Variants in FTO observed in about 807,000 individuals in gnomAD.
FTO encodes FTO alpha-ketoglutarate dependent dioxygenase.
A neutral mutation model predicts 63.9 loss-of-function variants in FTO; 47 were observed. The ratio of observed to expected loss-of-function variants is 0.74; its 90% CI spans 0.58 to 0.94. The LOEUF (loss-of-function observed/expected upper bound fraction) is 0.94. Ranked by LOEUF, FTO falls within the 40% of genes least tolerant of loss-of-function variation. The pLI is 0.00. For missense variants in FTO, 562 were observed against 618.1 expected (o/e 0.91, Z 0.96); for synonymous variants, 207 against 224.4 (o/e 0.92, Z 0.69).
intron 5 of FTO, among the ~76,000 whole-genome samples, chr16:53,874,385 C>T (rs2080587872): frequency 6.6e-6 from 1 of 152,098 alleles, no homozygotes; most frequent in African/African-American, 2.4e-5. Context: ...TAAATTCTGC[C>T]ACCACTTGCA....
chr16:53,891,849 C>T lies in FTO; in HGVS notation c.1239+2898C>T, dbSNP rs187632580. On this transcript the variant is annotated intron_variant, in intron 7 of 8. Coordinates refer to ENST00000471389, the MANE Select transcript of FTO (RefSeq NM_001080432.3). The stretch of plus-strand genomic sequence containing the variant: ...TTTTGTCGCTCTTGTATAAAAAATA[C>T]TAAAAGGAAAAGCAATTCTGCGAAC... 2.8e-3 allele frequency among the ~76,000 whole-genome samples: 431 copies of T among 152,198 alleles called. 3 individuals are homozygous for T. The highest frequency in any genetic ancestry group is 0.01 in the African/African-American group (421 of 41,532).
chr16:53,905,311 G>A (rs1361596838), intron 7 of FTO, among the ~76,000 whole-genome samples: 1 of 152,140 alleles, frequency 6.6e-6, no homozygotes, highest in African/African-American at 2.4e-5. Context: ...ATTTTGTTGT[G>A]TATGACAGTG....
intron 8 of FTO, among the ~76,000 whole-genome samples, chr16:54,091,923 G>C (rs2086393117): frequency 6.6e-6 from 1 of 152,216 alleles, no homozygotes; most frequent in South Asian, 2.1e-4. Context: ...CACTTACAGT[G>C]CCATCTGGCA....
chr16:53,705,329 G>A (rs1237622955), intron 1 of FTO, among the ~76,000 whole-genome samples: 1 of 152,134 alleles, frequency 6.6e-6, no homozygotes, highest in Non-Finnish European at 1.5e-5. Flanking sequence ...GATCCTGCAT[G>A]ATCTGGACCC....
At chr16:54,021,281 G>A (rs946611265) in intron 8 of FTO, among the ~76,000 whole-genome samples, 4 of 152,126 alleles carry the variant, frequency 2.6e-5, no homozygotes, top group African/African-American at 9.7e-5. Flanking sequence ...GTTTCTTCAT[G>A]CAACATAATT....
chr16:53,889,795 A>G (rs1196787397), intron 7 of FTO, among the ~76,000 whole-genome samples: 4 of 152,120 alleles, frequency 2.6e-5, no homozygotes, highest in Non-Finnish European at 5.9e-5. Flanking sequence ...TTGAAGCCAC[A>G]TGGAGGTCTT....
At chr16:54,048,770 G>A (rs1216380714) in intron 8 of FTO, among the ~76,000 whole-genome samples, 5 of 152,132 alleles carry the variant, frequency 3.3e-5, no homozygotes. Context: ...GCACATTCAA[G>A]CCTCCGAGTT....
intron 1 of FTO, among the ~76,000 whole-genome samples, chr16:53,752,920 CT>C (rs749666605): frequency 3.2e-3 from 441 of 137,894 alleles, no homozygotes; most frequent in Non-Finnish European, 4.1e-3. Flanking sequence ...ATATGACTGC[CT>C]TTTTTTTTTT....
At chr16:53,718,460 T>C (rs954946701) in intron 1 of FTO, among the ~76,000 whole-genome samples, 6 of 152,136 alleles carry the variant, frequency 3.9e-5, no homozygotes, top group Non-Finnish European at 5.9e-5. Context: ...AATCTACTTA[T>C]CTGCAAATAT....
chr16:53,989,564 T>C (rs2083753592), intron 8 of FTO, among the ~76,000 whole-genome samples: 1 of 152,172 alleles, frequency 6.6e-6, no homozygotes, highest in African/African-American at 2.4e-5. Flanking sequence ...TATATTCAGA[T>C]GGTCCTGGGT....
At chr16:53,967,825 A>G (rs1364818186) in intron 8 of FTO, among the ~76,000 whole-genome samples, 1 of 152,170 alleles carries the variant, frequency 6.6e-6, no homozygotes, top group East Asian at 1.9e-4. Context: ...GAATAATTGG[A>G]TTAATTTAGA....
chr16:53,746,652 A>G (rs1237576742), intron 1 of FTO, among the ~76,000 whole-genome samples: 1 of 152,224 alleles, frequency 6.6e-6, no homozygotes, highest in Non-Finnish European at 1.5e-5. Flanking sequence ...ATGTGGAATA[A>G]TTAACATATA....
chr16:53,723,872 A>G (rs2076093693), intron 1 of FTO, among the ~76,000 whole-genome samples: 1 of 152,058 alleles, frequency 6.6e-6, no homozygotes, highest in South Asian at 2.1e-4. Context: ...GGGAGTTCCT[A>G]CTCACCTCCA....
chr16:53,909,525 G>T (rs942535729), intron 7 of FTO, among the ~76,000 whole-genome samples: 6 of 134,578 alleles, frequency 4.5e-5, no homozygotes, highest in Non-Finnish European at 6.3e-5. Flanking sequence ...GGGACAGAGA[G>T]CCCCGCCTTT....
At chr16:53,710,326 C>A (rs1441241773) in intron 1 of FTO, among the ~76,000 whole-genome samples, 1 of 145,764 alleles carries the variant, frequency 6.9e-6, no homozygotes, top group Non-Finnish European at 1.5e-5. Context: ...AGTGCAGTGG[C>A]GCGATCTCAG....
intron 8 of FTO, among the ~76,000 whole-genome samples, chr16:54,068,730 G>A (rs984622742): frequency 2.0e-4 from 31 of 152,190 alleles, no homozygotes; most frequent in African/African-American, 5.1e-4. Context: ...GGGATTGGTC[G>A]GCTGATAGTT....
At chr16:53,779,538 A>T (rs8043757) in intron 1 of FTO, among the ~76,000 whole-genome samples, 59,475 of 151,962 alleles carry the variant, frequency 0.39, 11,934 homozygotes, top group African/African-American at 0.42. Flanking sequence ...TTTACTCTAA[A>T]CTTCTACGGG....
chr16:53,929,985 C>T lies in FTO; in HGVS notation c.1240-4000C>T, dbSNP rs76368010. On this transcript the variant is annotated intron_variant, in intron 7 of 8. Transcript: ENST00000471389. ...TGCTAGGTGGCACTTGGGGACTCTG[C>T]ACATGAGGACCACACTGTGAGGCAG... Among the ~76,000 whole-genome samples the T allele has an allele frequency of 2.5e-3, 374 of 152,260 alleles. 7 individuals are homozygous for T. In the East Asian group the frequency reaches 0.067, roughly 27 times the overall value.
rs183470070 is a variant in FTO, at chr16:53,858,077, A to G, written c.895+13779A>G. 4.0e-4 allele frequency among the ~76,000 whole-genome samples: 61 copies of G among 152,290 alleles called. No homozygotes were observed. In the East Asian group the frequency reaches 0.01, roughly 25 times the overall value. ...GGATAAACATATTACTAAGTATAAA[A>G]AAAAACTAGAAGGAATTAGACCAAA... On this transcript the variant is annotated intron_variant, in intron 4 of 8. Coordinates refer to ENST00000471389, the MANE Select transcript of FTO (RefSeq NM_001080432.3).
Sources: gnomAD v4.1 joint callset for allele counts (sites outside exome capture counted in the v4.1 genomes callset) on GRCh38, gnomAD v4.1.1 for gene constraint, MANE v1.5 for transcripts, NCBI Gene and HGNC (gene_info 2026-07-23, HGNC 2026-07-21) for gene names.